Variants in MACROD2 observed in about 807,000 individuals in gnomAD.
The protein encoded by MACROD2 is mono-ADP ribosylhydrolase 2.
Under a neutral mutation model 70.4 loss-of-function variants are expected in MACROD2, and 36 were observed. The observed-to-expected ratio is 0.51, with a 90% CI of 0.39 to 0.68. MACROD2 has a LOEUF of 0.68. Among genes scored for constraint, MACROD2 ranks in the 30% least tolerant of loss-of-function variants. MACROD2 has a pLI of 0.00. For missense variants in MACROD2, 496 were observed against 538.4 expected (o/e 0.92, Z 0.78); for synonymous variants, 172 against 178.8 (o/e 0.96, Z 0.30).
chr20:15,319,956 C>T (rs2077855534), intron 6 of MACROD2, among the ~76,000 whole-genome samples: 1 of 152,254 alleles, frequency 6.6e-6, no homozygotes, highest in East Asian at 1.9e-4. Context: ...GGGCTGTAAT[C>T]CCAGCACTTT....
At chr20:14,976,440 C>T (rs1568907806) in intron 5 of MACROD2, among the ~76,000 whole-genome samples, 1 of 152,152 alleles carries the variant, frequency 6.6e-6, no homozygotes, top group Non-Finnish European at 1.5e-5. Context: ...TTGCTGTCTC[C>T]TCTATGACTT....
At position 16,024,842 on chromosome 20, in the gene MACROD2, A is replaced by G. The variant is rs186929126; in HGVS notation, c.1154-16359A>G. 1.1e-3 allele frequency among the ~76,000 whole-genome samples: 173 copies of G among 152,340 alleles called. 1 individual carries two copies. The highest frequency in any genetic ancestry group is 2.1e-3 in the Non-Finnish European group (146 of 68,024). The stretch of plus-strand genomic sequence containing the variant: ...TTTTTTTTTACGAGCAAAAATGTCT[A>G]TGTAATTCTATAAAAAGAAAGAAAT... On this transcript the variant is annotated intron_variant, in intron 15 of 17. Transcript: ENST00000684519.
chr20:15,150,795 CG>C (rs2076263835), intron 5 of MACROD2, among the ~76,000 whole-genome samples: 1 of 151,840 alleles, frequency 6.6e-6, no homozygotes, highest in Admixed American at 6.6e-5. Context: ...TAAAGTGTCT[CG>C]GCCTAATAAG....
chr20:15,693,680 G>A (rs931086568), intron 8 of MACROD2, among the ~76,000 whole-genome samples: 1 of 152,084 alleles, frequency 6.6e-6, no homozygotes, highest in African/African-American at 2.4e-5. Context: ...TACAGGTCAT[G>A]TTGTCACTCG....
chr20:15,246,275 ATGTGTGTGTGTGTC>A (rs2077104970), intron 6 of MACROD2, among the ~76,000 whole-genome samples: 1 of 151,946 alleles, frequency 6.6e-6, no homozygotes, highest in South Asian at 2.1e-4. Flanking sequence ...GTGTATGTGT[ATGTGTGTGTGTGTC>A]TGTGTGTGTG....
At chr20:15,748,542 G>C (rs540707792) in intron 8 of MACROD2, among the ~76,000 whole-genome samples, 1 of 152,150 alleles carries the variant, frequency 6.6e-6, no homozygotes, top group African/African-American at 2.4e-5. Context: ...AGCTTCAAAA[G>C]GAAGTGTTTC....
chr20:14,712,154 A>G (rs1393998361), intron 5 of MACROD2, among the ~76,000 whole-genome samples: 2 of 152,172 alleles, frequency 1.3e-5, no homozygotes, highest in East Asian at 3.8e-4. Context: ...AGTCACACAA[A>G]TCAGTTAAAA....
chr20:14,114,210 C>T (rs1464431688), intron 3 of MACROD2, among the ~76,000 whole-genome samples: 5 of 152,066 alleles, frequency 3.3e-5, no homozygotes, highest in Non-Finnish European at 5.9e-5. Flanking sequence ...GGAAGAAATG[C>T]GACTTGCCTC....
At chr20:14,771,300 A>G (rs965354084) in intron 5 of MACROD2, among the ~76,000 whole-genome samples, 2 of 152,034 alleles carry the variant, frequency 1.3e-5, no homozygotes, top group African/African-American at 4.8e-5. Flanking sequence ...TAATTACGGT[A>G]GCCAATTTCT....
intron 7 of MACROD2, among the ~76,000 whole-genome samples, chr20:15,442,272 A>C (rs993066209): frequency 2.0e-5 from 3 of 152,196 alleles, no homozygotes; most frequent in African/African-American, 7.2e-5. Flanking sequence ...ATGTATTGTG[A>C]AATGTATGTG....
At chr20:15,227,010 T>C (rs1189048797) in intron 5 of MACROD2, among the ~76,000 whole-genome samples, 2 of 151,692 alleles carry the variant, frequency 1.3e-5, no homozygotes, top group African/African-American at 4.8e-5. Flanking sequence ...ATGAAGGAGA[T>C]TTCCTGTCTA....
At chr20:15,847,510 C>T (rs1353749564) in intron 8 of MACROD2, among the ~76,000 whole-genome samples, 3 of 152,126 alleles carry the variant, frequency 2.0e-5, no homozygotes, top group African/African-American at 7.2e-5. Flanking sequence ...TAAATTTTGA[C>T]CTGTAACTGG....
chr20:14,179,959 A>G (rs1311341109), intron 3 of MACROD2, among the ~76,000 whole-genome samples: 2 of 152,164 alleles, frequency 1.3e-5, no homozygotes, highest in Non-Finnish European at 1.5e-5. Context: ...AGCCATTTTA[A>G]AGTGTATAAT....
intron 6 of MACROD2, among the ~76,000 whole-genome samples, chr20:15,273,534 A>C (rs554925362): frequency 3.3e-4 from 50 of 152,308 alleles, no homozygotes; most frequent in African/African-American, 1.2e-3. Context: ...AAAGAAAATG[A>C]AAGCTAACAA....
chr20:15,848,812 A>G (rs2064263875), intron 8 of MACROD2, among the ~76,000 whole-genome samples: 1 of 152,022 alleles, frequency 6.6e-6, no homozygotes, highest in South Asian at 2.1e-4. Context: ...TAATTAGGTC[A>G]CTCAGAGCCC....
intron 9 of MACROD2, among the ~76,000 whole-genome samples, chr20:15,869,232 T>TAGAGAGAGAGAGAGAG (rs1282844011): frequency 1.8e-4 from 6 of 33,108 alleles, no homozygotes; most frequent in Non-Finnish European, 4.2e-4. Context: ...TATATATATA[T>TAGAGAGAGAGAGAGAG]ATATATAGAG....
chr20:14,512,009 G>A (rs1427749706), intron 4 of MACROD2, among the ~76,000 whole-genome samples: 1 of 152,160 alleles, frequency 6.6e-6, no homozygotes, highest in East Asian at 1.9e-4. Context: ...GAAATGAGAT[G>A]GAGAGTTAAT....
At chr20:15,039,704 G>A (rs928343504) in intron 5 of MACROD2, among the ~76,000 whole-genome samples, 3 of 152,114 alleles carry the variant, frequency 2.0e-5, no homozygotes, top group South Asian at 2.1e-4. Context: ...AGAGAGGGAA[G>A]CATTAAATGA....
At chr20:15,386,684 G>A (rs961165832) in intron 6 of MACROD2, among the ~76,000 whole-genome samples, 1 of 152,142 alleles carries the variant, frequency 6.6e-6, no homozygotes, top group Admixed American at 6.5e-5. Flanking sequence ...GAAATTGTAA[G>A]AATGTTAGTA....
Sources: allele counts gnomAD v4.1 joint callset (sites outside exome capture counted in the v4.1 genomes callset), GRCh38; gene constraint gnomAD v4.1.1; transcripts MANE v1.5; gene names NCBI Gene and HGNC (gene_info 2026-07-23, HGNC 2026-07-21).